Variants in ZRANB3 observed in about 807,000 individuals in gnomAD.
ZRANB3 encodes zinc finger RANBP2-type containing 3.
ZRANB3 carries 125 observed loss-of-function variants against 133.8 expected under a neutral mutation model. The ratio of observed to expected loss-of-function variants is 0.93; its 90% CI spans 0.81 to 1.08. The LOEUF is 1.08. Ranked by LOEUF, ZRANB3 falls within the 50% of genes least tolerant of loss-of-function variation. The pLI, the probability that ZRANB3 is intolerant of heterozygous loss-of-function variation, is 0.00. For synonymous variants in ZRANB3, 387 were observed against 432.7 expected, an observed-to-expected ratio of 0.89 and a Z score of 1.31; for missense variants, 1,229 against 1,275.5, an observed-to-expected ratio of 0.96 and a Z score of 0.56.
chr2:135,308,568 T>C (rs1682810669), intron 8 of ZRANB3, among the ~76,000 whole-genome samples: 2 of 152,204 alleles, frequency 1.3e-5, no homozygotes, highest in Non-Finnish European at 2.9e-5. Flanking sequence ...TTTCTTTCTT[T>C]TTTATTTAAA....
Position 135,223,597 on chromosome 2 carries a change from G to C in ZRANB3, c.2250+829C>G, listed in dbSNP as rs574106436. ...CCCACCTTGGCCTCTCCAAGTGCTGGGATTACAGGCATGAGCCACCACACC... is the reference window on the plus strand; with the variant it reads ...CCCACCTTGGCCTCTCCAAGTGCTGCGATTACAGGCATGAGCCACCACACC... On this transcript the variant is annotated intron_variant, in intron 15 of 20. Coordinates refer to ENST00000264159, the MANE Select transcript of ZRANB3 (RefSeq NM_032143.4). Among the ~76,000 whole-genome samples the C allele has an allele frequency of 1.0e-3, 152 of 152,120 alleles. 1 individual carries two copies. The highest frequency in any genetic ancestry group is 3.6e-3 in the African/African-American group (150 of 41,520).
At chr2:135,286,687 A>AT (rs1249969714) in intron 8 of ZRANB3, among the ~76,000 whole-genome samples, 3 of 151,550 alleles carry the variant, frequency 2.0e-5, no homozygotes, top group Admixed American at 6.6e-5. Flanking sequence ...GCATTTTTTC[A>AT]TTTTTTTTGG....
chr2:135,519,540 A>G (rs1442422984), intron 1 of ZRANB3, among the ~76,000 whole-genome samples: 1 of 152,172 alleles, frequency 6.6e-6, no homozygotes. Flanking sequence ...TGGGTCTTTC[A>G]TCCCTTTTTA....
At chr2:135,279,877 T>G (rs1280981266) in intron 8 of ZRANB3, among the ~76,000 whole-genome samples, 1 of 152,234 alleles carries the variant, frequency 6.6e-6, no homozygotes, top group African/African-American at 2.4e-5. Context: ...GAAAATGTGT[T>G]GGGAATACCA....
At chr2:135,349,459 A>C (rs1003248578) in intron 5 of ZRANB3, among the ~76,000 whole-genome samples, 2 of 152,194 alleles carry the variant, frequency 1.3e-5, no homozygotes, top group African/African-American at 2.4e-5. Context: ...GAGTAGCAAA[A>C]GCTAAATGGG....
At chr2:135,446,553 A>C (rs954245947) in intron 2 of ZRANB3, among the ~76,000 whole-genome samples, 6 of 152,214 alleles carry the variant, frequency 3.9e-5, no homozygotes, top group African/African-American at 1.4e-4. Flanking sequence ...GTTTTTCTCC[A>C]ACCACCATTA....
At chr2:135,312,405 A>G (rs916426742) in intron 8 of ZRANB3, among the ~76,000 whole-genome samples, 2 of 151,910 alleles carry the variant, frequency 1.3e-5, no homozygotes, top group East Asian at 3.9e-4. Context: ...ATGTAAATAT[A>G]CCTCAACAAT....
At chr2:135,382,998 T>C (rs6745845) in intron 3 of ZRANB3, among the ~76,000 whole-genome samples, 40,204 of 151,964 alleles carry the variant, frequency 0.26, 8,866 homozygotes, top group African/African-American at 0.59. Context: ...CAATATTAAC[T>C]TTAAATGTAA....
At chr2:135,307,067 A>G (rs1682744177) in intron 8 of ZRANB3, among the ~76,000 whole-genome samples, 1 of 151,908 alleles carries the variant, frequency 6.6e-6, no homozygotes, top group African/African-American at 2.4e-5. Context: ...TACTTTATTT[A>G]TTTTTTAATT....
intron 3 of ZRANB3, among the ~76,000 whole-genome samples, chr2:135,370,576 GAGTAAA>G (rs1686133782): frequency 6.6e-6 from 1 of 152,100 alleles, no homozygotes. Flanking sequence ...TTGCATACAG[GAGTAAA>G]AGTTAGATTA....
Position 135,217,494 on chromosome 2 carries a change from C to T in ZRANB3, c.2466G>A (p.Lys822=), listed in dbSNP as rs1694359857. 1 of 1,611,440 alleles carries T rather than the reference C, an allele frequency of 6.2e-7. No individual in the cohort carries two copies. Reference sequence around the variant, plus strand: ...TGGTGCAATTTTGTTTGGTTTGTTGCTTTGTGATCTCTTCCAAAGCAAGAA... The same window carrying T: ...TGGTGCAATTTTGTTTGGTTTGTTGTTTTGTGATCTCTTCCAAAGCAAGAA... The part of the protein sequence containing the change: ...SPILALEEIT[K]QQTKQNCTKR... Residue 822 remains lysine (K), a synonymous_variant, in exon 17 of 21, where the codon AAG becomes AAA. Coordinates refer to ENST00000264159, the MANE Select transcript of ZRANB3 (RefSeq NM_032143.4).
intron 4 of ZRANB3, 30 bp from the exon 5 acceptor site, chr2:135,350,245 A>G (rs1432333652): frequency 4.0e-6 from 6 of 1,487,568 alleles, no homozygotes; most frequent in Non-Finnish European, 5.5e-6. Flanking sequence ...TACTTAAAAA[A>G]TATCTCAGTA....
chr2:135,210,420 C>T (rs1328352087), intron 17 of ZRANB3, among the ~76,000 whole-genome samples: 6 of 152,158 alleles, frequency 3.9e-5, no homozygotes, highest in South Asian at 4.2e-4. Context: ...TTGCAACCTC[C>T]GCCTTCTGGT....
intron 2 of ZRANB3, among the ~76,000 whole-genome samples, chr2:135,437,023 G>A (rs866691271): frequency 8.5e-4 from 129 of 152,246 alleles, no homozygotes; most frequent in African/African-American, 2.6e-3. Flanking sequence ...GCAGTGGTGC[G>A]ATCTCGGCTC....
intron 2 of ZRANB3, among the ~76,000 whole-genome samples, chr2:135,415,308 A>C (rs1211708130): frequency 2.0e-5 from 3 of 151,924 alleles, no homozygotes; most frequent in Non-Finnish European, 4.4e-5. Context: ...ACAAACTACC[A>C]TCAGAGAATA....
chr2:135,314,794 G>C (rs1683175935), intron 7 of ZRANB3, among the ~76,000 whole-genome samples: 2 of 151,592 alleles, frequency 1.3e-5, no homozygotes, highest in South Asian at 4.2e-4. Context: ...TGTTGCCCAG[G>C]CTGGAGTGCA....
intron 5 of ZRANB3, among the ~76,000 whole-genome samples, chr2:135,347,115 T>G (rs1163972703): frequency 6.6e-6 from 1 of 152,230 alleles, no homozygotes. Context: ...ACACATATAG[T>G]ATTTTCATTC....
chr2:135,390,769 TATAA>T, intron 3 of ZRANB3, 29 bp downstream of exon 3: 1 of 1,553,692 alleles, frequency 6.4e-7, no homozygotes, highest in East Asian at 2.4e-5. Flanking sequence ...TGTGTAATCT[TATAA>T]AAGACATAAA....
At position 135,315,359 on chromosome 2, in the gene ZRANB3, C is replaced by A; in HGVS notation, c.849G>T (p.Lys283Asn). The change falls in exon 7 of 21, where the codon AAG (lysine) becomes AAT (asparagine). Residue 283 changes from lysine to asparagine, a missense_variant and splice_region_variant. Coordinates refer to ENST00000264159, the MANE Select transcript of ZRANB3 (RefSeq NM_032143.4). Reference sequence around the variant, plus strand: ...CTTTAAATCAAGCAACGGTTCTCACCTTGGCAGCTGCTGATGGAAGATCAA... The same window carrying A: ...CTTTAAATCAAGCAACGGTTCTCACATTGGCAGCTGCTGATGGAAGATCAA... The part of the protein sequence containing the change: ...IPFDLPSAAA[K>N]ELNTSFEEWE... The A allele has an allele frequency of 1.3e-6, 2 of 1,554,980 alleles. No homozygotes were observed. Among genetic ancestry groups the A allele is most frequent in the Admixed American group, 2.1e-5 (1 of 47,912 alleles).
Sources: gnomAD v4.1 joint callset for allele counts (sites outside exome capture counted in the v4.1 genomes callset) on GRCh38, gnomAD v4.1.1 for gene constraint, MANE v1.5 for transcripts, NCBI Gene and HGNC (gene_info 2026-07-23, HGNC 2026-07-21) for gene names.